The following BCAS3 variants were observed in gnomAD, a reference collection of about 807,000 sequenced individuals.
The protein encoded by BCAS3 is BCAS3 microtubule associated cell migration factor.
A neutral mutation model predicts 116.1 loss-of-function variants in BCAS3; 53 were observed. The ratio of observed to expected loss-of-function variants is 0.46; its 90% confidence interval spans 0.37 to 0.57. The LOEUF (loss-of-function observed/expected upper bound fraction) is 0.57. BCAS3 is among the 20% of genes least tolerant of loss of function. BCAS3 has a pLI of 0.00. For synonymous variants in BCAS3, 391 were observed against 408.2 expected (o/e 0.96, Z 0.51); for missense variants, 917 against 1,165.4 (o/e 0.79, Z 3.10).
intron 22 of BCAS3, among the ~76,000 whole-genome samples, chr17:61,178,565 A>G (rs925715760): frequency 6.6e-6 from 1 of 152,204 alleles, no homozygotes; most frequent in Non-Finnish European, 1.5e-5. Flanking sequence ...GCTATCAATA[A>G]AGTACAGATT....
intron 11 of BCAS3, among the ~76,000 whole-genome samples, chr17:60,909,024 CTGTT>C (rs1197589532): frequency 1.3e-5 from 2 of 152,070 alleles, no homozygotes; most frequent in Non-Finnish European, 2.9e-5. Context: ...CATTGGGTAA[CTGTT>C]TGAGCTTCCA....
chr17:61,202,059 C>CTTTTTTGTTTTT (rs2080860774), intron 22 of BCAS3, among the ~76,000 whole-genome samples: 1 of 70,334 alleles, frequency 1.4e-5, no homozygotes, highest in African/African-American at 5.3e-5. Flanking sequence ...TGCCCGGCCT[C>CTTTTTTGTTTTT]TTTTTTTTTT....
rs921677206 is a variant in BCAS3, at chr17:61,355,821, T to C, written c.2426-12506T>C. 6.6e-6 allele frequency among the ~76,000 whole-genome samples: 1 copy of C among 152,204 alleles called. No homozygotes were observed. On this transcript the variant is annotated intron_variant, in intron 22 of 23. Coordinates refer to ENST00000407086, the MANE Select transcript of BCAS3 (RefSeq NM_017679.5). This position sits in a 1 kb window ranked among gnomAD's most constrained non-coding sequence, Gnocchi z 4.2. ...GAAAACCCAGTTTGTATGCTTGCTG[T>C]CTTGAGAGATTCAGTTCCTTGTTTT... is the stretch of plus-strand genomic sequence containing the variant.
rs997900191 is a variant in BCAS3, at chr17:61,278,244, T to C, written c.2426-90083T>C. On this transcript the variant is annotated intron_variant, in intron 22 of 23. Transcript: ENST00000407086. This position sits in a 1 kb window ranked among gnomAD's most constrained non-coding sequence, Gnocchi z 5.8. ...TTTTAGTAGAGACGGGGTTTCACCA[T>C]GTTGGCCAGGCTGGTCTTGAACTCC... 1.3e-5 allele frequency among the ~76,000 whole-genome samples: 2 copies of C among 152,182 alleles called. No homozygotes were observed. The highest frequency in any genetic ancestry group is 2.9e-5 in the Non-Finnish European group (2 of 68,022).
intron 13 of BCAS3, among the ~76,000 whole-genome samples, chr17:60,946,228 A>G (rs2060487738): frequency 6.6e-6 from 1 of 152,268 alleles, no homozygotes; most frequent in African/African-American, 2.4e-5. Flanking sequence ...ACAATTGGAC[A>G]TCTTATGCAA....
rs1306571781 is a variant in BCAS3, at chr17:61,038,002, G to A, written c.1876G>A (p.Asp626Asn). ...CAGCACTGCACCCAAGATTAGTGACGACACACCACTGGAAATGATGACATC... is the reference window on the plus strand; with the variant it reads ...CAGCACTGCACCCAAGATTAGTGACAACACACCACTGGAAATGATGACATC... The part of the protein sequence containing the change: ...PLSTAPKISD[D>N]TPLEMMTSPR... Residue 626 changes from aspartate (D) to asparagine (N), a missense_variant, in exon 18 of 24, where the codon GAC becomes AAC. Asp to Asn is a conservative substitution (Grantham distance 23). Coordinates refer to ENST00000407086, the MANE Select transcript of BCAS3 (RefSeq NM_017679.5). 1.2e-6 allele frequency: 2 copies of A among 1,614,122 alleles called. No individual in the cohort carries two copies. The highest frequency in any genetic ancestry group is 1.3e-5 in the African/African-American group (1 of 75,018).
At chr17:61,373,900 C>T (rs930311798) in intron 23 of BCAS3, among the ~76,000 whole-genome samples, 1 of 142,888 alleles carries the variant, frequency 7.0e-6, no homozygotes. Flanking sequence ...TGGGTTCAAG[C>T]GAATCGCATG....
At position 61,313,408 on chromosome 17, in the gene BCAS3, C is replaced by A. The variant is rs1157939395; in HGVS notation, c.2426-54919C>A. ...AACATCTGGAATATTAGTTTTCAAC[C>A]ACATTTCAGACACAGAAAGTGGAGC... On this transcript the variant is annotated intron_variant, in intron 22 of 23. Transcript: ENST00000407086. This position sits in a 1 kb window ranked among gnomAD's most constrained non-coding sequence, Gnocchi z 4.3. Among the ~76,000 whole-genome samples, 11 of 152,184 alleles carry A rather than the reference C, an allele frequency of 7.2e-5. No homozygotes were observed. The highest frequency in any genetic ancestry group is 7.2e-4 in the Admixed American group (11 of 15,284).
intron 14 of BCAS3, among the ~76,000 whole-genome samples, chr17:60,959,306 C>CA (rs569272962): frequency 1.0e-4 from 15 of 149,202 alleles, no homozygotes; most frequent in South Asian, 2.1e-4. Context: ...ACCCCTGTCT[C>CA]AAAAAAAAAA....
intron 19 of BCAS3, chr17:61,069,985 A>C (rs1455208241): frequency 3.8e-6 from 6 of 1,587,242 alleles, no homozygotes; most frequent in Middle Eastern, 1.7e-4. Context: ...CAAAAAGAAG[A>C]AGATCCGCAC....
chr17:61,078,343 T>C lies in BCAS3; in HGVS notation c.2141T>C (p.Val714Ala). ...GCTACTCCATTCCAGGTTGAAATTG[T>C]AACACACACTGGACCCCATAGACGT... Reference protein sequence around the residue: ...DEEWLSQVEIVTHTGPHRRLW... With the variant: ...DEEWLSQVEIATHTGPHRRLW... The change falls in exon 21 of 24, where the codon GTA (valine) becomes GCA (alanine). Residue 714 changes from valine to alanine, a missense_variant. Val to Ala is a moderately conservative substitution (Grantham distance 64, BLOSUM62 0). Around this residue, in one of 3 missense-constraint regions of BCAS3, gnomAD observed 807 missense variants for 1,026.0 expected, o/e 0.79. Coordinates refer to ENST00000407086, the MANE Select transcript of BCAS3 (RefSeq NM_017679.5). The C allele has an allele frequency of 6.2e-7, 1 of 1,612,104 alleles. No individual in the cohort carries two copies. The highest frequency in any genetic ancestry group is 8.5e-7 in the Non-Finnish European group (1 of 1,179,258).
chr17:60,725,994 C>T (rs1198019680), intron 5 of BCAS3, among the ~76,000 whole-genome samples: 1 of 152,116 alleles, frequency 6.6e-6, no homozygotes, highest in Non-Finnish European at 1.5e-5. Context: ...CTCCTGAGTT[C>T]AAGCGATTCT....
rs1010462084 is a variant in BCAS3 at position 61,161,088 on chromosome 17, A to G, written c.2425+76524A>G. 6.6e-6 allele frequency among the ~76,000 whole-genome samples: 1 copy of G among 152,226 alleles called. No individual in the cohort carries two copies. The highest frequency in any genetic ancestry group is 2.4e-5 in the African/African-American group (1 of 41,462). On this transcript the variant is annotated intron_variant, in intron 22 of 23. Transcript: ENST00000407086. The surrounding 1 kb of genome is among the most constrained non-coding windows in gnomAD (Gnocchi z 4.8). ...TACTCTGCAGATGATGAAGGATAGC[A>G]TGTCTGAAAAAAGCTAACATAAAAG... is the stretch of plus-strand genomic sequence containing the variant.
chr17:60,863,208 C>T (rs1018878534), intron 7 of BCAS3, among the ~76,000 whole-genome samples: 3 of 152,050 alleles, frequency 2.0e-5, no homozygotes, highest in African/African-American at 7.3e-5. Context: ...AATGAGTTGG[C>T]CATACAAATG....
chr17:61,177,938 A>T (rs564874163), intron 22 of BCAS3, among the ~76,000 whole-genome samples: 2 of 152,306 alleles, frequency 1.3e-5, no homozygotes, highest in South Asian at 2.1e-4. Context: ...TTGAATATGT[A>T]CATTACATAA....
Position 61,136,415 on chromosome 17 carries a change from C to T in BCAS3, c.2425+51851C>T, listed in dbSNP as rs997495843. Among the ~76,000 whole-genome samples, 1 of 152,166 alleles carries T rather than the reference C, an allele frequency of 6.6e-6. No individual in the cohort carries two copies. Among genetic ancestry groups the T allele is most frequent in the Non-Finnish European group, 1.5e-5 (1 of 68,034 alleles). ...GCGTAAGTACTGAAGGTATTTTGGA[C>T]TGGACAATTCTTTGTGTGCAGCTGT... On this transcript the variant is annotated intron_variant, in intron 22 of 23. Transcript: ENST00000407086. This position sits in a 1 kb window ranked among gnomAD's most constrained non-coding sequence, Gnocchi z 4.4.
Position 61,118,821 on chromosome 17 carries a change from C to T in BCAS3, c.2425+34257C>T, listed in dbSNP as rs1051902172. Among the ~76,000 whole-genome samples, 12 of 151,870 alleles carry T rather than the reference C, an allele frequency of 7.9e-5. No homozygotes were observed. Among genetic ancestry groups the T allele is most frequent in the African/African-American group, 1.9e-4 (8 of 41,378 alleles). ...CCTTTACCAATATGGGGACTAACTT[C>T]GCAGGATTCTGGTGCTGATATTTGA... On this transcript the variant is annotated intron_variant, in intron 22 of 23. Coordinates refer to ENST00000407086, the MANE Select transcript of BCAS3 (RefSeq NM_017679.5). The surrounding 1 kb of genome is among the most constrained non-coding windows in gnomAD (Gnocchi z 5.0).
chr17:61,036,650 A>G (rs527558450), intron 17 of BCAS3, among the ~76,000 whole-genome samples: 6 of 152,290 alleles, frequency 3.9e-5, no homozygotes, highest in South Asian at 2.1e-4. Context: ...CAGAGATAAG[A>G]TGACCTACCC....
chr17:60,911,736 C>T (rs369222436), intron 12 of BCAS3, among the ~76,000 whole-genome samples: 1 of 152,088 alleles, frequency 6.6e-6, no homozygotes, highest in Non-Finnish European at 1.5e-5. Context: ...CGCCCAGCCA[C>T]GTAAATTTTG....
Sources: gnomAD v4.1 joint callset for allele counts (sites outside exome capture counted in the v4.1 genomes callset) on GRCh38, gnomAD v4.1.1 for gene constraint, gnomAD v4.1.1 regional missense constraint, Gnocchi (gnomAD v3.1) non-coding constraint, MANE v1.5 for transcripts, NCBI Gene and HGNC (gene_info 2026-07-23, HGNC 2026-07-21) for gene names.